Variants in NEBL observed in about 807,000 individuals in gnomAD.
The protein encoded by NEBL is nebulette.
NEBL carries 122 observed loss-of-function variants against 140.2 expected under a neutral mutation model. That is an observed-to-expected ratio of 0.87 (90% CI 0.75 to 1.01). The LOEUF (loss-of-function observed/expected upper bound fraction) is 1.01. Among genes scored for constraint, NEBL ranks in the 50% least tolerant of loss-of-function variants. The pLI is 0.00. For synonymous variants in NEBL, 436 were observed against 398.9 expected, an observed-to-expected ratio of 1.09 and a Z score of -1.11; for missense variants, 1,365 against 1,231.3, an observed-to-expected ratio of 1.11 and a Z score of -1.62.
chr10:21,036,372 T>G lies in NEBL; in HGVS notation c.165-16171A>C, dbSNP rs930249129. On this transcript the variant is annotated intron_variant, in intron 2 of 6. Coordinates refer to the NEBL transcript ENST00000417816. ...GGGAGGCTTAGGTGGGAGGGTCATT[T>G]GATCCTGGGAGGTCGAGCCTGCAGT... Among the ~76,000 whole-genome samples, 17 of 152,182 alleles carry G rather than the reference T, an allele frequency of 1.1e-4. No individual in the cohort carries two copies. In the East Asian group the frequency reaches 3.3e-3, roughly 30 times the overall value.
intron 2 of NEBL, among the ~76,000 whole-genome samples, chr10:21,082,226 A>T (rs1327120434): frequency 6.6e-6 from 1 of 152,178 alleles, no homozygotes; most frequent in Non-Finnish European, 1.5e-5. Flanking sequence ...GAACATGATG[A>T]TTGAGTACAA....
intron 1 of NEBL, among the ~76,000 whole-genome samples, chr10:21,271,171 T>TA (rs1273143734): frequency 1.3e-5 from 2 of 152,192 alleles, no homozygotes; most frequent in South Asian, 2.1e-4. Context: ...TATACAGCCT[T>TA]AAAAAATAAG....
At chr10:20,932,950 T>A (rs913647532) in intron 4 of NEBL, among the ~76,000 whole-genome samples, 2 of 152,204 alleles carry the variant, frequency 1.3e-5, no homozygotes, top group African/African-American at 4.8e-5. Context: ...TATTAATGTG[T>A]ACAAATGCTT....
Position 20,845,291 on chromosome 10 carries a change from T to C in NEBL, c.1194A>G (p.Leu398=), listed in dbSNP as rs1841798713. Residue 398 remains leucine, a synonymous_variant, in exon 12 of 28, where the codon TTA becomes TTG. Transcript: ENST00000377122. ...GAAGGTTGGTGATGTACTTTACATG[T>C]AAAAATTCTGGAGTCTTGTCTAAAT... ...SLDLDKTPEF[L]HVKYITNLLR... 4.4e-6 allele frequency: 7 copies of C among 1,599,136 alleles called. No homozygotes were observed. The highest frequency in any genetic ancestry group is 6.0e-6 in the Non-Finnish European group (7 of 1,166,730).
intron 16 of NEBL, 198 bp downstream of exon 16, chr10:20,830,998 G>T: frequency 1.3e-5 from 6 of 471,112 alleles, no homozygotes; most frequent in East Asian, 4.5e-5. Context: ...TCTCCATAAT[G>T]TCTGTTGCAT....
chr10:21,120,592 T>C (rs1838520587), intron 2 of NEBL, among the ~76,000 whole-genome samples: 1 of 145,294 alleles, frequency 6.9e-6, no homozygotes, highest in South Asian at 2.2e-4. Flanking sequence ...TATTAATTAC[T>C]AGGGCAGTCA....
intron 2 of NEBL, chr10:21,146,233 G>C: frequency 1.2e-6 from 1 of 858,744 alleles, no homozygotes; most frequent in Non-Finnish European, 1.8e-6. Context: ...AGGGTACTCC[G>C]TTCACCCCTC....
At chr10:20,956,450 G>C (rs1835810331) in intron 4 of NEBL, among the ~76,000 whole-genome samples, 1 of 152,100 alleles carries the variant, frequency 6.6e-6, no homozygotes, top group Non-Finnish European at 1.5e-5. Context: ...TATTGGTTGA[G>C]ATGAGCTACA....
chr10:20,926,097 T>C (rs1249117525), intron 4 of NEBL, among the ~76,000 whole-genome samples: 1 of 152,232 alleles, frequency 6.6e-6, no homozygotes, highest in Non-Finnish European at 1.5e-5. Context: ...TTATAGGCCA[T>C]ATAAAAATAC....
chr10:21,135,656 G>A (rs545980578), intron 2 of NEBL, among the ~76,000 whole-genome samples: 26 of 152,240 alleles, frequency 1.7e-4, no homozygotes, highest in East Asian at 7.7e-4. Context: ...TGATTCCCCC[G>A]GCCTGGGACA....
chr10:21,082,426 T>C (rs1260617726), intron 2 of NEBL, among the ~76,000 whole-genome samples: 2 of 151,058 alleles, frequency 1.3e-5, no homozygotes, highest in Non-Finnish European at 2.9e-5. Flanking sequence ...TATTTGGCAA[T>C]GAGGAAACAT....
intron 2 of NEBL, among the ~76,000 whole-genome samples, chr10:21,097,003 T>C (rs1837219876): frequency 6.6e-6 from 1 of 152,028 alleles, no homozygotes; most frequent in South Asian, 2.1e-4. Flanking sequence ...AAAAAGGTAA[T>C]ATTTCCTGGC....
At chr10:21,129,268 C>A (rs1333134151) in intron 2 of NEBL, among the ~76,000 whole-genome samples, 1 of 151,608 alleles carries the variant, frequency 6.6e-6, no homozygotes, top group African/African-American at 2.4e-5. Context: ...AATTTTTTAA[C>A]TTTTTTATTT....
chr10:20,930,982 C>G (rs1293263961), intron 4 of NEBL, among the ~76,000 whole-genome samples: 1 of 152,154 alleles, frequency 6.6e-6, no homozygotes, highest in Admixed American at 6.5e-5. Flanking sequence ...ACGCCTGTAC[C>G]TTTACTCCAG....
At chr10:21,026,877 C>T (rs946241126) in intron 2 of NEBL, among the ~76,000 whole-genome samples, 1 of 152,122 alleles carries the variant, frequency 6.6e-6, no homozygotes, top group Admixed American at 6.5e-5. Flanking sequence ...TTTGTACAAA[C>T]AGCTAAACAC....
intron 4 of NEBL, among the ~76,000 whole-genome samples, chr10:20,949,046 A>C (rs1354537666): frequency 1.3e-5 from 2 of 152,232 alleles, no homozygotes; most frequent in Non-Finnish European, 2.9e-5. Flanking sequence ...TTAAAAGGCA[A>C]AATATTTCCT....
intron 2 of NEBL, among the ~76,000 whole-genome samples, chr10:21,088,063 TG>T (rs1450238163): frequency 1.3e-5 from 2 of 152,214 alleles, no homozygotes; most frequent in Non-Finnish European, 2.9e-5. Context: ...CCCCTGACAG[TG>T]TTTCCCTCCC....
intron 2 of NEBL, among the ~76,000 whole-genome samples, chr10:21,067,130 G>T (rs1426343691): frequency 1.3e-5 from 2 of 151,736 alleles, no homozygotes; most frequent in Non-Finnish European, 1.5e-5. Context: ...CCGCCACCAC[G>T]CCCGGCTAAT....
At chr10:20,838,576 G>C (rs1841116473) in intron 13 of NEBL, among the ~76,000 whole-genome samples, 1 of 152,118 alleles carries the variant, frequency 6.6e-6, no homozygotes, top group Admixed American at 6.5e-5. Flanking sequence ...AGCAGCAATG[G>C]GTTTGAGAGG....
Sources: gnomAD v4.1 joint callset for allele counts (sites outside exome capture counted in the v4.1 genomes callset) on GRCh38, gnomAD v4.1.1 for gene constraint, MANE v1.5 for transcripts, NCBI Gene and HGNC (gene_info 2026-07-23, HGNC 2026-07-21) for gene names.